The following TIMP3 variants were observed in gnomAD, a reference collection of about 807,000 sequenced individuals.
TIMP3 encodes the protein TIMP metallopeptidase inhibitor 3, also known as metalloproteinase inhibitor 3.
A neutral mutation model predicts 30.0 loss-of-function variants in TIMP3; 11 were observed. The observed-to-expected ratio is 0.37, with a 90% CI of 0.23 to 0.61. The LOEUF is 0.61. Among genes scored for constraint, TIMP3 ranks in the 20% least tolerant of loss-of-function variants. The pLI, the probability that TIMP3 is intolerant of heterozygous loss-of-function variation, is 0.70. For missense variants in TIMP3, 181 were observed against 276.8 expected (o/e 0.65, Z 2.45); for synonymous variants, 112 against 111.3 (o/e 1.01, Z -0.04).
chr22:32,834,309 C>A (rs1183316329), intron 1 of TIMP3, among the ~76,000 whole-genome samples: 1 of 140,458 alleles, frequency 7.1e-6, no homozygotes, highest in Non-Finnish European at 1.5e-5. Context: ...CCCTCCACCA[C>A]ATCTGGCTAA....
At chr22:32,828,862 C>T (rs2047489391) in intron 1 of TIMP3, among the ~76,000 whole-genome samples, 1 of 152,098 alleles carries the variant, frequency 6.6e-6, no homozygotes, top group Admixed American at 6.5e-5. Flanking sequence ...ATCAGCCAAG[C>T]TTGGGGGAGA....
At position 32,801,896 on chromosome 22, in the gene TIMP3, C is replaced by G. The variant is rs2046592665; in HGVS notation, c.-106C>G. ...CGCCGGAGGCCAAGGTTGCCCCGCACGGCCCGGCGGGCGAGCGAGCTCGGG... is the reference window on the plus strand; with the variant it reads ...CGCCGGAGGCCAAGGTTGCCCCGCAGGGCCCGGCGGGCGAGCGAGCTCGGG... On this transcript the variant is annotated 5_prime_UTR_variant, in exon 1 of 5. Coordinates refer to ENST00000266085, the MANE Select transcript of TIMP3 (RefSeq NM_000362.5). This position sits in a 1 kb window ranked among gnomAD's most constrained non-coding sequence, Gnocchi z 4.7. 3 of 1,358,844 alleles carry G rather than the reference C, an allele frequency of 2.2e-6. No homozygotes were observed. The highest frequency in any genetic ancestry group is 2.8e-6 in the Non-Finnish European group (3 of 1,060,640). The allele number at this position is 1,358,844 out of a possible 1,614,324, so 84.2% of individuals were successfully genotyped here. A position where few individuals can be genotyped will look rare whatever the true frequency, so the allele number is the denominator to read the frequency against.
At chr22:32,842,817 A>G (rs1260212441) in intron 1 of TIMP3, among the ~76,000 whole-genome samples, 1 of 152,096 alleles carries the variant, frequency 6.6e-6, no homozygotes, top group Non-Finnish European at 1.5e-5. Context: ...GCTGATGGCG[A>G]TGACTTCTAG....
intron 1 of TIMP3, among the ~76,000 whole-genome samples, chr22:32,813,761 C>T (rs181631862): frequency 3.3e-5 from 5 of 151,922 alleles, no homozygotes; most frequent in East Asian, 1.9e-4. Context: ...ACCTTGGCCT[C>T]GTTCATGGCT....
In TIMP3 at chr22:32,849,576, T is replaced by C. The variant is rs763327759; in HGVS notation, c.204+42T>C. 6.3e-6 allele frequency: 10 copies of C among 1,582,248 alleles called. No individual in the cohort carries two copies. The East Asian group carries it at 1.6e-4, about 25-fold the overall frequency. Reference sequence around the variant, plus strand: ...CCCTGGCTCCGGGAAGGTTTTTGGGTTTTTGCCAGAAGAGTCCTGGCTAAG... The same window carrying C: ...CCCTGGCTCCGGGAAGGTTTTTGGGCTTTTGCCAGAAGAGTCCTGGCTAAG... On this transcript the variant is annotated intron_variant, in intron 2 of 4. Coordinates refer to ENST00000266085, the MANE Select transcript of TIMP3 (RefSeq NM_000362.5).
chr22:32,831,075 C>A (rs2047560851), intron 1 of TIMP3, among the ~76,000 whole-genome samples: 1 of 152,104 alleles, frequency 6.6e-6, no homozygotes, highest in Admixed American at 6.5e-5. Context: ...GCTTCCATGG[C>A]TGGGATGCAG....
chr22:32,838,257 A>AG lies in TIMP3; in HGVS notation c.122-11188dup, dbSNP rs57557744. Among the ~76,000 whole-genome samples the AG allele has an allele frequency of 9.6e-3, 1,454 of 152,196 alleles. 23 individuals carry two copies. The highest frequency in any genetic ancestry group is 0.034 in the African/African-American group (1,395 of 41,520). ...ATTTCAAGTGGACTTGAGGAGAAGG[A>AG]GGGGGGGTGGCAAAATAAAACAAAC... On this transcript the variant is annotated intron_variant, in intron 1 of 4. Coordinates refer to ENST00000266085, the MANE Select transcript of TIMP3 (RefSeq NM_000362.5).
intron 1 of TIMP3, among the ~76,000 whole-genome samples, chr22:32,840,501 A>ACCCCCAG (rs1176523369): frequency 4.7e-4 from 69 of 145,600 alleles, no homozygotes; most frequent in East Asian, 2.3e-4. Flanking sequence ...GCCGCTCCCC[A>ACCCCCAG]CCCCCAGCCC....
intron 1 of TIMP3, among the ~76,000 whole-genome samples, chr22:32,829,037 C>T (rs130296): frequency 0.87 from 131,834 of 152,134 alleles, 57,158 homozygotes; most frequent in East Asian, 0.89. Flanking sequence ...CTCCCTATAG[C>T]GGACTTGAAC....
rs756760731 is a variant in TIMP3, at chr22:32,862,598, A to ACTAGAG, written c.*3221_*3222insCTAGAG. 6 of 152,204 alleles carry ACTAGAG rather than the reference A, an allele frequency of 3.9e-5. No individual in the cohort carries two copies. The highest frequency in any genetic ancestry group is 6.5e-5 in the Admixed American group (1 of 15,284). The allele number at this position is 152,204 out of a possible 1,614,324, so 9.4% of individuals were successfully genotyped here. On this transcript the variant is annotated 3_prime_UTR_variant, in exon 5 of 5. Coordinates refer to ENST00000266085, the MANE Select transcript of TIMP3 (RefSeq NM_000362.5). ...TGGCTTCTGGCTACCTAAGGTTAAC[A>ACTAGAG]TGTCACTAGAGTATTTTTATGAGAG...
intron 1 of TIMP3, among the ~76,000 whole-genome samples, chr22:32,802,984 C>T (rs2046630220): frequency 6.6e-6 from 1 of 152,114 alleles, no homozygotes; most frequent in South Asian, 2.1e-4. Context: ...AAGAGACCTC[C>T]TACTCCTTAG....
Position 32,801,986 on chromosome 22 carries a change from GGCGGCAGCA to G in TIMP3, c.-9_-1del, listed in dbSNP as rs773307425. Reference sequence around the variant, plus strand: ...AGAGGCGAGCAGCAGCCCCGGCAGCGGCGGCAGCAGCGGCAATGACCCCTTGGCTCGGGC... The same window carrying G: ...AGAGGCGAGCAGCAGCCCCGGCAGCGGCGGCAATGACCCCTTGGCTCGGGC... On this transcript the variant is annotated 5_prime_UTR_variant, in exon 1 of 5. Coordinates refer to ENST00000266085, the MANE Select transcript of TIMP3 (RefSeq NM_000362.5). This position sits in a 1 kb window ranked among gnomAD's most constrained non-coding sequence, Gnocchi z 4.7. 26 of 1,582,450 alleles carry G rather than the reference GGCGGCAGCA, an allele frequency of 1.6e-5. No homozygotes were observed. Among genetic ancestry groups the G allele is most frequent in the African/African-American group, 1.5e-4 (11 of 74,440 alleles).
chr22:32,810,250 A>G (rs890613288), intron 1 of TIMP3, among the ~76,000 whole-genome samples: 1 of 152,178 alleles, frequency 6.6e-6, no homozygotes, highest in Non-Finnish European at 1.5e-5. Flanking sequence ...TTCCTGACCC[A>G]TTTAGAGGCC....
At chr22:32,849,275 C>T (rs1336214838) in intron 1 of TIMP3, among the ~76,000 whole-genome samples, 177 bp from the exon 2 acceptor site, 3 of 152,138 alleles carry the variant, frequency 2.0e-5, no homozygotes, top group Non-Finnish European at 4.4e-5. Flanking sequence ...TTTCCTCCAA[C>T]CTCCCTCTCA....
rs901651418 is a variant in TIMP3, at chr22:32,858,020, G to A, written c.320G>A (p.Arg107His). ...VNKYQYLLTG[R>H]VYDGKMYTGL... ...GTTTTCTTCTTTCCTCCTGTAGGTCGCGTCTATGATGGCAAGATGTACACG... is the reference window on the plus strand; with the variant it reads ...GTTTTCTTCTTTCCTCCTGTAGGTCACGTCTATGATGGCAAGATGTACACG... Residue 107 changes from arginine to histidine, a missense_variant, in exon 4 of 5, where the codon CGC becomes CAC. Arg to His is a conservative substitution (Grantham distance 29). Coordinates refer to ENST00000266085, the MANE Select transcript of TIMP3 (RefSeq NM_000362.5). 2.5e-6 allele frequency: 4 copies of A among 1,614,126 alleles called. No individual in the cohort carries two copies. Among genetic ancestry groups the A allele is most frequent in the African/African-American group, 1.3e-5 (1 of 75,022 alleles).
At chr22:32,815,647 C>A (rs1339147136) in intron 1 of TIMP3, among the ~76,000 whole-genome samples, 1 of 152,140 alleles carries the variant, frequency 6.6e-6, no homozygotes, top group African/African-American at 2.4e-5. Flanking sequence ...GTAATAAATT[C>A]TATTCTTTAC....
intron 4 of TIMP3, 125 bp downstream of exon 4, chr22:32,858,263 C>G (rs1176210736): frequency 3.7e-6 from 5 of 1,365,512 alleles, no homozygotes; most frequent in African/African-American, 1.4e-5. Flanking sequence ...TAGGCCAGGG[C>G]AGAGGGGCAG....
rs59003669 is a variant in TIMP3 at position 32,816,310 on chromosome 22, C to T, written c.121+14188C>T. Among the ~76,000 whole-genome samples, 1,286 of 152,218 alleles carry T rather than the reference C, an allele frequency of 8.4e-3. 18 individuals are homozygous for T. The highest frequency in any genetic ancestry group is 0.029 in the African/African-American group (1,212 of 41,514). On this transcript the variant is annotated intron_variant, in intron 1 of 4. Coordinates refer to ENST00000266085, the MANE Select transcript of TIMP3 (RefSeq NM_000362.5). ...GGTAATTGATGGGCATTCCTGACTACGGGCCACACACTCAGTAGGTGCTCG... is the reference window on the plus strand; with the variant it reads ...GGTAATTGATGGGCATTCCTGACTATGGGCCACACACTCAGTAGGTGCTCG...
chr22:32,803,840 G>C (rs1476044540), intron 1 of TIMP3, among the ~76,000 whole-genome samples: 1 of 152,190 alleles, frequency 6.6e-6, no homozygotes, highest in Admixed American at 6.5e-5. Context: ...GACTTCACTT[G>C]CGTTTTTTTG....
Sources: allele counts gnomAD v4.1 joint callset (sites outside exome capture counted in the v4.1 genomes callset), GRCh38; gene constraint gnomAD v4.1.1; non-coding constraint Gnocchi (gnomAD v3.1); transcripts MANE v1.5; gene names NCBI Gene and HGNC (gene_info 2026-07-23, HGNC 2026-07-21).